Variants in JDP2 observed in about 807,000 individuals in gnomAD.
JDP2 encodes the protein progesterone receptor co-activator.
In JDP2, 9 loss-of-function variants were observed where a neutral mutation model predicts 17.1. The ratio of observed to expected loss-of-function variants is 0.53; its 90% CI spans 0.32 to 0.92. The LOEUF (loss-of-function observed/expected upper bound fraction) is 0.92. Among genes scored for constraint, JDP2 ranks in the 40% least tolerant of loss-of-function variants. The pLI is 0.04. For missense variants in JDP2, 179 were observed against 220.0 expected (o/e 0.81, Z 1.18); for synonymous variants, 107 against 95.6 (o/e 1.12, Z -0.69).
In JDP2 at chr14:75,435,411, TG is replaced by T. The variant is rs558883497; in HGVS notation, c.-23-2481del. On this transcript the variant is annotated intron_variant, in intron 1 of 3. Transcript: ENST00000651602. The stretch of plus-strand genomic sequence containing the variant: ...GGAACTTCCTAAACCTGGATCTCCA[TG>T]GGGGGTGGAGGGTCCTCTGTGCAAG... Among the ~76,000 whole-genome samples the T allele has an allele frequency of 4.8e-4, 73 of 152,192 alleles. 2 individuals are homozygous for T. The South Asian group carries it at 0.015, about 31-fold the overall frequency.
At chr14:75,462,778 A>T (rs139919654) in intron 3 of JDP2, among the ~76,000 whole-genome samples, 2 of 152,272 alleles carry the variant, frequency 1.3e-5, no homozygotes, top group Non-Finnish European at 2.9e-5. Flanking sequence ...CACTTGCAAC[A>T]AGCAGAGAGC....
chr14:75,455,494 C>G (rs1886061989), intron 2 of JDP2, among the ~76,000 whole-genome samples: 1 of 152,198 alleles, frequency 6.6e-6, no homozygotes, highest in African/African-American at 2.4e-5. Flanking sequence ...GGTGGCTCAT[C>G]TCAATGGACC....
intron 3 of JDP2, among the ~76,000 whole-genome samples, chr14:75,466,455 A>T (rs1256702662): frequency 3.9e-5 from 6 of 152,194 alleles, no homozygotes; most frequent in Non-Finnish European, 5.9e-5. Flanking sequence ...GAAAAAAAGC[A>T]GTTAGTTACA....
intron 1 of JDP2, among the ~76,000 whole-genome samples, chr14:75,433,802 C>T (rs1184596504): frequency 6.6e-6 from 1 of 152,106 alleles, no homozygotes; most frequent in African/African-American, 2.4e-5. Flanking sequence ...TGCCAGTCTT[C>T]TTGGATTCCA....
At chr14:75,431,873 A>C (rs1036453914) in intron 1 of JDP2, among the ~76,000 whole-genome samples, 1 of 152,200 alleles carries the variant, frequency 6.6e-6, no homozygotes, top group African/African-American at 2.4e-5. Context: ...CACTGACTTC[A>C]CTCTTACTAT....
At chr14:75,440,116 T>C (rs1485283180) in intron 2 of JDP2, among the ~76,000 whole-genome samples, 3 of 152,250 alleles carry the variant, frequency 2.0e-5, no homozygotes, top group Admixed American at 2.0e-4. Flanking sequence ...ATCTGCCCTG[T>C]ACCCGACAGT....
chr14:75,458,709 G>A (rs1432452638), intron 2 of JDP2, among the ~76,000 whole-genome samples: 2 of 152,212 alleles, frequency 1.3e-5, no homozygotes, highest in Non-Finnish European at 1.5e-5. Context: ...GGATTGAATA[G>A]TATTTCTGTT....
intron 1 of JDP2, among the ~76,000 whole-genome samples, chr14:75,434,264 A>G (rs913301621): frequency 6.6e-6 from 1 of 152,188 alleles, no homozygotes; most frequent in African/African-American, 2.4e-5. Flanking sequence ...TGAGGATCCA[A>G]TTATGAAAGG....
rs1426189772 is a variant in JDP2, at chr14:75,430,350, C to G, written c.-24+2098C>G. Among the ~76,000 whole-genome samples the G allele has an allele frequency of 1.3e-5, 2 of 152,248 alleles. No homozygotes were observed. Among genetic ancestry groups the G allele is most frequent in the Non-Finnish European group, 2.9e-5 (2 of 68,036 alleles). On this transcript the variant is annotated intron_variant, in intron 1 of 3. Coordinates refer to ENST00000651602, the MANE Select transcript of JDP2 (RefSeq NM_001135048.2). This position sits in a 1 kb window ranked among gnomAD's most constrained non-coding sequence, Gnocchi z 4.5. ...TCAGCTCCAGCTCAACTTGAGCAAT[C>G]AGAGCCAGGGTTGAGGGCAAGCTAC...
Position 75,453,252 on chromosome 14 carries a change from G to A in JDP2, c.202-8174G>A, listed in dbSNP as rs745898191. On this transcript the variant is annotated intron_variant, in intron 2 of 3. Transcript: ENST00000651602. ...GGAATGTCTGGTATGTTTGGTATTT[G>A]GGTGTTTACTTCCCAGGGTGCTCAT... Among the ~76,000 whole-genome samples the A allele has an allele frequency of 2.6e-5, 4 of 152,304 alleles. No homozygotes were observed. In the South Asian group the frequency reaches 8.3e-4, roughly 32 times the overall value.
chr14:75,449,536 C>CA (rs769487469), intron 2 of JDP2, among the ~76,000 whole-genome samples: 1 of 152,196 alleles, frequency 6.6e-6, no homozygotes, highest in Non-Finnish European at 1.5e-5. Flanking sequence ...TCTCACCAGT[C>CA]TTTTGGGGGT....
chr14:75,464,637 C>T (rs1050570330), intron 3 of JDP2, among the ~76,000 whole-genome samples: 6 of 152,166 alleles, frequency 3.9e-5, no homozygotes, highest in African/African-American at 1.4e-4. Context: ...TACTGAGAGA[C>T]AACTGTATAT....
intron 2 of JDP2, chr14:75,445,412 G>A (rs1249382352): frequency 1.4e-5 from 14 of 985,340 alleles, no homozygotes; most frequent in South Asian, 1.4e-4. Flanking sequence ...TTTACTGAGC[G>A]TAGTGCATGT....
rs1034416441 is a variant in JDP2, at chr14:75,461,511, G to A, written c.287G>A (p.Arg96His). 46 of 1,606,812 alleles carry A rather than the reference G, an allele frequency of 2.9e-5. No homozygotes were observed. The highest frequency in any genetic ancestry group is 3.6e-4 in the Middle Eastern group (2 of 5,632). ...CGATGCCGGAACAAGAAGAAGGAGC[G>A]CACGGAGTTTCTGCAGCGGGTGAGC... ...AARCRNKKKE[R>H]TEFLQRESER... Residue 96 changes from arginine to histidine, a missense_variant, in exon 3 of 4, where the codon CGC becomes CAC. By Grantham distance (29) the Arg-to-His change is conservative (BLOSUM62 0). Transcript: ENST00000651602.
rs1885555620 is a variant in JDP2 at position 75,445,482 on chromosome 14, C to T, written c.201+7361C>T. The T allele has an allele frequency of 5.1e-6, 5 of 985,348 alleles. No homozygotes were observed. In the Admixed American group the frequency reaches 3.1e-4, roughly 61 times the overall value. 61.0% of individuals were successfully genotyped at this position (985,348 alleles called of 1,614,324 possible). On this transcript the variant is annotated intron_variant, in intron 2 of 3. Transcript: ENST00000651602. ...TGTAGTCCTCCCTACACCCTACCAA[C>T]TCCCCAGTCCCCGCGAATAAAAACC... is the stretch of plus-strand genomic sequence containing the variant.
intron 2 of JDP2, among the ~76,000 whole-genome samples, chr14:75,450,525 A>G (rs987381520): frequency 3.3e-5 from 5 of 152,306 alleles, no homozygotes; most frequent in Admixed American, 3.3e-4. Context: ...TGGCAGGTGG[A>G]GCCATTGCCT....
intron 1 of JDP2, among the ~76,000 whole-genome samples, chr14:75,437,385 C>G (rs568758627): frequency 5.3e-5 from 8 of 152,278 alleles, no homozygotes; most frequent in African/African-American, 1.9e-4. Flanking sequence ...AGGCACCATG[C>G]CAGACCAAAA....
At chr14:75,436,941 C>T (rs575440576) in intron 1 of JDP2, among the ~76,000 whole-genome samples, 2 of 152,278 alleles carry the variant, frequency 1.3e-5, no homozygotes, top group East Asian at 3.9e-4. Context: ...CGCCTATAAT[C>T]CCAGCACTTT....
rs779511503 is a variant in JDP2, at chr14:75,437,964, C to A, written c.44C>A (p.Ser15Tyr). The change falls in exon 2 of 4, where the codon TCC becomes TAC. Residue 15 changes from serine (S) to tyrosine (Y), a missense_variant. Physicochemically the swap from Ser to Tyr is moderately radical, Grantham distance 144. Coordinates refer to ENST00000651602, the MANE Select transcript of JDP2 (RefSeq NM_001135048.2). ...CCGGACCCTTCGGTGACCACAGGCT[C>A]CCTGCCAGGGCTTGGCCCCCTGACC... Reference protein sequence around the residue: ...QIPDPSVTTGSLPGLGPLTGL... With the variant: ...QIPDPSVTTGYLPGLGPLTGL... 6.2e-7 allele frequency: 1 copy of A among 1,613,350 alleles called. No individual in the cohort carries two copies. Among genetic ancestry groups the A allele is most frequent in the South Asian group, 1.1e-5 (1 of 90,840 alleles).
Sources: allele counts gnomAD v4.1 joint callset (sites outside exome capture counted in the v4.1 genomes callset), GRCh38; gene constraint gnomAD v4.1.1; non-coding constraint Gnocchi (gnomAD v3.1); transcripts MANE v1.5; gene names NCBI Gene and HGNC (gene_info 2026-07-23, HGNC 2026-07-21).